HACE1: variants seen among roughly 807,000 people sequenced by gnomAD.
The protein encoded by HACE1 is HECT domain and ankyrin repeat containing E3 ubiquitin protein ligase 1.
A neutral mutation model predicts 118.4 loss-of-function variants in HACE1; 73 were observed. That is an observed-to-expected ratio of 0.62 (90% CI 0.51 to 0.75). HACE1 has a LOEUF of 0.75. HACE1 is among the 30% of genes least tolerant of loss of function. The pLI is 0.00. For synonymous variants in HACE1, 368 were observed against 374.8 expected (o/e 0.98, Z 0.21); for missense variants, 749 against 1,102.2 (o/e 0.68, Z 4.54).
rs1440732394 is a variant in HACE1, at chr6:104,785,181, T to C, written c.1213A>G (p.Ile405Val). The C allele has an allele frequency of 6.2e-7, 1 of 1,614,078 alleles. No homozygotes were observed. Among genetic ancestry groups the C allele is most frequent in the Admixed American group, 1.7e-5 (1 of 60,000 alleles). Residue 405 changes from isoleucine (I) to valine (V), a missense_variant, in exon 12 of 24, where the codon ATT becomes GTT. Physicochemically the swap from Ile to Val is conservative, Grantham distance 29. Around this residue, in one of 5 missense-constraint regions of HACE1, gnomAD observed 267 missense variants for 312.2 expected, o/e 0.86. Coordinates refer to ENST00000262903, the MANE Select transcript of HACE1 (RefSeq NM_020771.4). ...QKGQDQDAAS[I>V]PPFEPPGPGS... ...GGTCCTGGAGGTTCAAATGGAGGAA[T>C]GGAAGCAGCATCTTGATCTTGGCCT...
intron 6 of HACE1, among the ~76,000 whole-genome samples, chr6:104,823,553 TTAAAAGAAACA>T (rs2115033343): frequency 6.6e-6 from 1 of 152,134 alleles, no homozygotes; most frequent in South Asian, 2.1e-4. Flanking sequence ...TATGCAACTA[TTAAAAGAAACA>T]TATTTTTAAA....
chr6:104,810,230 A>G (rs1771452570), intron 7 of HACE1, among the ~76,000 whole-genome samples: 1 of 152,084 alleles, frequency 6.6e-6, no homozygotes, highest in Admixed American at 6.6e-5. Flanking sequence ...ATGCAAGAAA[A>G]TGGCTGGAAT....
intron 7 of HACE1, among the ~76,000 whole-genome samples, chr6:104,802,531 A>C (rs1266228871): frequency 2.6e-5 from 4 of 152,246 alleles, no homozygotes; most frequent in African/African-American, 9.6e-5. Context: ...AGCACAGTGC[A>C]ATCAAACTAG....
intron 11 of HACE1, 79 bp downstream of exon 11, chr6:104,791,421 GCTTT>G (rs1783007488): frequency 8.0e-7 from 1 of 1,250,544 alleles, no homozygotes; most frequent in Middle Eastern, 1.9e-4. Flanking sequence ...CTGTTCATGA[GCTTT>G]CTGATTAATG....
At chr6:104,830,356 T>C (rs1773734517) in intron 6 of HACE1, among the ~76,000 whole-genome samples, 1 of 152,148 alleles carries the variant, frequency 6.6e-6, no homozygotes, top group South Asian at 2.1e-4. Context: ...AAGAATATAC[T>C]TGAAAACACT....
At chr6:104,780,434 T>C (rs1309045033) in intron 14 of HACE1, 1 of 406,666 alleles carries the variant, frequency 2.5e-6, no homozygotes, top group Non-Finnish European at 4.8e-6. Flanking sequence ...ATACAAAATG[T>C]TTCTCCCTTT....
At chr6:104,802,852 A>G (rs1290092238) in intron 7 of HACE1, among the ~76,000 whole-genome samples, 2 of 152,210 alleles carry the variant, frequency 1.3e-5, no homozygotes, top group Non-Finnish European at 2.9e-5. Flanking sequence ...AAGGCAAGAA[A>G]TAACTAAGAT....
intron 20 of HACE1, among the ~76,000 whole-genome samples, chr6:104,748,380 G>C (rs1336046547): frequency 6.6e-6 from 1 of 152,090 alleles, no homozygotes; most frequent in Non-Finnish European, 1.5e-5. Flanking sequence ...AAATCTCAAG[G>C]AAAGACCACT....
intron 19 of HACE1, among the ~76,000 whole-genome samples, chr6:104,763,821 G>T (rs747638788): frequency 9.2e-5 from 14 of 152,082 alleles, no homozygotes; most frequent in Admixed American, 2.0e-4. Context: ...AGGCCGAGGT[G>T]GGCAGATCAC....
At chr6:104,785,596 AAT>A (rs1161521510) in intron 11 of HACE1, 1 of 358,502 alleles carries the variant, frequency 2.8e-6, no homozygotes, top group Admixed American at 4.4e-5. Flanking sequence ...AAAAATTCAC[AAT>A]CTTTCTTCTT....
At chr6:104,798,674 G>A (rs962688819) in intron 7 of HACE1, among the ~76,000 whole-genome samples, 1 of 152,158 alleles carries the variant, frequency 6.6e-6, no homozygotes, top group Non-Finnish European at 1.5e-5. Flanking sequence ...TGTTGGTCAA[G>A]ATGTTATAAA....
At chr6:104,807,880 C>T (rs1771187268) in intron 7 of HACE1, among the ~76,000 whole-genome samples, 1 of 151,948 alleles carries the variant, frequency 6.6e-6, no homozygotes, top group Admixed American at 6.6e-5. Context: ...CTCACAGAAA[C>T]ACTACATTAT....
In HACE1 at chr6:104,744,159, C is replaced by A; in HGVS notation, c.2513+1G>T. 1.3e-6 allele frequency: 2 copies of A among 1,549,404 alleles called. No individual in the cohort carries two copies. Among genetic ancestry groups the A allele is most frequent in the Non-Finnish European group, 1.8e-6 (2 of 1,121,182 alleles). On this transcript the variant is annotated splice_donor_variant, in intron 22 of 23. Transcript: ENST00000262903. LOFTEE classifies it high-confidence loss of function. ...CATATTATCATAAAAATACTGCTTACCTGCCCGTAACAAACTGTAAGAGAA... is the reference window on the plus strand; with the variant it reads ...CATATTATCATAAAAATACTGCTTAACTGCCCGTAACAAACTGTAAGAGAA...
chr6:104,811,391 T>A lies in HACE1; in HGVS notation c.537A>T (p.Thr179=). ...CACCACTGTCTAGCAAGCACTGCACTGTCTGAGGGGGAAAAAATAATTAAA... is the reference window on the plus strand; with the variant it reads ...CACCACTGTCTAGCAAGCACTGCACAGTCTGAGGGGGAAAAAATAATTAAA... ...HVACQNGHKT[T]VQCLLDSGAD... is the part of the protein sequence containing the mutation. Residue 179 remains threonine (T), a splice_region_variant and synonymous_variant, in exon 7 of 24, where the codon ACA becomes ACT. Coordinates refer to ENST00000262903, the MANE Select transcript of HACE1 (RefSeq NM_020771.4). 1 of 1,438,520 alleles carries A rather than the reference T, an allele frequency of 7.0e-7. No individual in the cohort carries two copies. The highest frequency in any genetic ancestry group is 9.8e-7 in the Non-Finnish European group (1 of 1,021,624). 89.1% of individuals were successfully genotyped at this position (1,438,520 alleles called of 1,614,324 possible). A position where few individuals can be genotyped will look rare whatever the true frequency, so the allele number is the denominator to read the frequency against.
intron 19 of HACE1, among the ~76,000 whole-genome samples, chr6:104,755,734 A>G (rs1778534887): frequency 6.6e-6 from 1 of 152,236 alleles, no homozygotes; most frequent in Admixed American, 6.5e-5. Context: ...GAAACTAATG[A>G]GAACAAAGAG....
At chr6:104,818,530 T>C (rs1772348971) in intron 6 of HACE1, among the ~76,000 whole-genome samples, 2 of 152,094 alleles carry the variant, frequency 1.3e-5, no homozygotes, top group African/African-American at 4.8e-5. Flanking sequence ...CCCTAACTCA[T>C]TCTATAAAGC....
At chr6:104,753,515 CT>C (rs757657198) in intron 19 of HACE1, among the ~76,000 whole-genome samples, 3 of 152,184 alleles carry the variant, frequency 2.0e-5, no homozygotes, top group Admixed American at 6.5e-5. Flanking sequence ...TACCTACCCC[CT>C]GGGACAGAGC....
At chr6:104,771,142 T>G in intron 19 of HACE1, 51 bp downstream of exon 19, 1 of 1,329,016 alleles carries the variant, frequency 7.5e-7, no homozygotes, top group Non-Finnish European at 1.1e-6. Flanking sequence ...ACTAGCAAAC[T>G]ATCAGGGCCA....
At chr6:104,771,546 T>A (rs999024751) in intron 18 of HACE1, among the ~76,000 whole-genome samples, 157 bp from the exon 19 acceptor site, 9 of 152,156 alleles carry the variant, frequency 5.9e-5, no homozygotes, top group Admixed American at 6.6e-5. Context: ...AATTTGAAAG[T>A]CTGTTAAATT....
Sources: gnomAD v4.1 joint callset for allele counts (sites outside exome capture counted in the v4.1 genomes callset) on GRCh38, gnomAD v4.1.1 for gene constraint, gnomAD v4.1.1 regional missense constraint, MANE v1.5 for transcripts, NCBI Gene and HGNC (gene_info 2026-07-23, HGNC 2026-07-21) for gene names.